Variants in VPS35 observed in about 807,000 individuals in gnomAD.
The protein encoded by VPS35 is vacuolar protein sorting-associated protein 35.
Under a neutral mutation model 98.1 loss-of-function variants are expected in VPS35, and 21 were observed. The observed-to-expected ratio is 0.21, with a 90% confidence interval of 0.15 to 0.31. VPS35 has a LOEUF of 0.31. Among genes scored for constraint, VPS35 ranks in the 10% least tolerant of loss-of-function variants. VPS35 has a pLI of 1.00. For synonymous variants in VPS35, 268 were observed against 318.2 expected (o/e 0.84, Z 1.68); for missense variants, 554 against 950.8 (o/e 0.58, Z 5.49).
Position 46,675,959 on chromosome 16 carries a change from G to A in VPS35, c.914+624C>T, listed in dbSNP as rs190457919. On this transcript the variant is annotated intron_variant, in intron 8 of 16. Coordinates refer to ENST00000299138, the MANE Select transcript of VPS35 (RefSeq NM_018206.6). ...GCATGTCTGTAATCCCAGCTACTCC[G>A]GAGGCTGAGACACTAGAATCACTTG... Among the ~76,000 whole-genome samples the A allele has an allele frequency of 5.5e-3, 824 of 151,112 alleles. 5 individuals are homozygous for A. Among genetic ancestry groups the A allele is most frequent in the Non-Finnish European group, 8.5e-3 (575 of 67,870 alleles).
rs145679337 is a variant in VPS35 at position 46,663,007 on chromosome 16, T to C, written c.1803A>G (p.Thr601=). 1.4e-5 allele frequency: 22 copies of C among 1,614,214 alleles called. No individual in the cohort carries two copies. The highest frequency in any genetic ancestry group is 1.8e-5 in the Non-Finnish European group (21 of 1,180,038). ...CCTGGGACATGAATTCATATGCGAC[T>C]GTCTCATGATTTTCAAAACCAATTT... The part of the protein sequence containing the change: ...AGEIGFENHE[T]VAYEFMSQAF... Residue 601 remains threonine, a synonymous_variant, in exon 14 of 17, where the codon ACA becomes ACG. Transcript: ENST00000299138.
Position 46,677,404 on chromosome 16 carries a change from A to G in VPS35, c.721-6T>C, listed in dbSNP as rs752285732. ...AATATGCCAGTCAAAACAATCTAAAAGAGAAAAAACACACATAAGGGTTAA... is the reference window on the plus strand; with the variant it reads ...AATATGCCAGTCAAAACAATCTAAAGGAGAAAAAACACACATAAGGGTTAA... On this transcript the variant is annotated splice_polypyrimidine_tract_variant and splice_region_variant and intron_variant, in intron 6 of 16. Coordinates refer to ENST00000299138, the MANE Select transcript of VPS35 (RefSeq NM_018206.6). 2 of 1,613,272 alleles carry G rather than the reference A, an allele frequency of 1.2e-6. No individual in the cohort carries two copies. The highest frequency in any genetic ancestry group is 8.5e-7 in the Non-Finnish European group (1 of 1,179,256).
Position 46,679,156 on chromosome 16 carries a change from A to C in VPS35, c.507T>G (p.Asp169Glu). ...CACTGATGTCACCAGTTGTTTCTTC[A>C]CTGCAAAGAAACAGAAAAGTCTTTA... ...NILPDEGEPTDEETTGDISDS... is the reference protein window; with the variant it reads ...NILPDEGEPTEEETTGDISDS... Residue 169 changes from aspartate to glutamate, a missense_variant and splice_region_variant, in exon 6 of 17, where the codon GAT (aspartate) becomes GAG (glutamate). Physicochemically the swap from Asp to Glu is conservative, Grantham distance 45. This residue lies in a region of VPS35 where 77 missense variants were observed against 222.3 expected (regional missense o/e 0.35). Transcript: ENST00000299138. The C allele has an allele frequency of 1.2e-6, 2 of 1,602,204 alleles. No homozygotes were observed. The highest frequency in any genetic ancestry group is 1.7e-6 in the Non-Finnish European group (2 of 1,173,102).
intron 1 of VPS35, chr16:46,688,698 C>G: frequency 9.0e-7 from 1 of 1,117,212 alleles, no homozygotes; most frequent in Admixed American, 4.3e-5. Context: ...CAACTAGGCA[C>G]AAAGGTAGAA....
In VPS35 at chr16:46,674,477, A is replaced by G; in HGVS notation, c.1012-15T>C. 6.2e-7 allele frequency: 1 copy of G among 1,610,410 alleles called. No individual in the cohort carries two copies. The highest frequency in any genetic ancestry group is 2.2e-5 in the East Asian group (1 of 44,824). ...TCTTGTCTAGACTGGAATGTTTAGA[A>G]AACCACACAATTTATTTTAAACAAT... On this transcript the variant is annotated splice_polypyrimidine_tract_variant and intron_variant, in intron 9 of 16. Transcript: ENST00000299138.
chr16:46,682,580 T>C (rs1470356078), intron 2 of VPS35: 1 of 180,418 alleles, frequency 5.5e-6, no homozygotes, highest in Non-Finnish European at 1.2e-5. Context: ...CTGAAATGAC[T>C]ATCCATGTAA....
At chr16:46,677,902 G>A (rs1292071419) in intron 6 of VPS35, among the ~76,000 whole-genome samples, 1 of 152,128 alleles carries the variant, frequency 6.6e-6, no homozygotes, top group Non-Finnish European at 1.5e-5. Flanking sequence ...ACATTATTAG[G>A]TTCTATATTT....
chr16:46,684,177 T>C (rs751824114), intron 1 of VPS35, among the ~76,000 whole-genome samples: 37 of 152,310 alleles, frequency 2.4e-4, no homozygotes, highest in South Asian at 1.2e-3. Flanking sequence ...GCAGTGGTAG[T>C]TCATGGCTGT....
At position 46,669,130 on chromosome 16, in the gene VPS35, A is replaced by G. The variant is rs746259697; in HGVS notation, c.1525-78T>C. 29 of 1,555,896 alleles carry G rather than the reference A, an allele frequency of 1.9e-5. No homozygotes were observed. In the Admixed American group the frequency reaches 4.9e-4, roughly 26 times the overall value. ...TGTGAAATAAATGTGGGCTCTAATCATCATTGCTAACATTTTGTGAATATA... is the reference window on the plus strand; with the variant it reads ...TGTGAAATAAATGTGGGCTCTAATCGTCATTGCTAACATTTTGTGAATATA... On this transcript the variant is annotated intron_variant, in intron 12 of 16. Coordinates refer to ENST00000299138, the MANE Select transcript of VPS35 (RefSeq NM_018206.6).
intron 6 of VPS35, chr16:46,677,631 G>A: frequency 2.1e-6 from 1 of 484,002 alleles, no homozygotes. Context: ...CACCTCCTAG[G>A]CTCAAGTCAT....
rs1965876205 is a variant in VPS35, at chr16:46,659,562, C to G, written c.*910G>C. 6.6e-6 allele frequency: 1 copy of G among 152,092 alleles called. No homozygotes were observed. The highest frequency in any genetic ancestry group is 1.5e-5 in the Non-Finnish European group (1 of 68,018). The allele number at this position is 152,092 out of a possible 1,614,324, so 9.4% of individuals were successfully genotyped here. The stretch of plus-strand genomic sequence containing the variant: ...TGCCTTGTTCAACAAGTGCTTAAAA[C>G]TAGAGTTAAGTGAGCTCTGTGAATA... On this transcript the variant is annotated 3_prime_UTR_variant, in exon 17 of 17. Coordinates refer to ENST00000299138, the MANE Select transcript of VPS35 (RefSeq NM_018206.6).
rs1272021715 is a variant in VPS35, at chr16:46,662,226, G to A, written c.2067+17C>T. 6.2e-7 allele frequency: 1 copy of A among 1,614,092 alleles called. No individual in the cohort carries two copies. Among genetic ancestry groups the A allele is most frequent in the East Asian group, 2.2e-5 (1 of 44,876 alleles). On this transcript the variant is annotated intron_variant, in intron 15 of 16. Transcript: ENST00000299138. ...TATGGATCCTGTCTGCTATCATGCA[G>A]TCAGGAATGACCTTACCTCCTCCCC...
At chr16:46,676,334 CAATT>C (rs1966152492) in intron 8 of VPS35, among the ~76,000 whole-genome samples, 1 of 152,086 alleles carries the variant, frequency 6.6e-6, no homozygotes, top group Non-Finnish European at 1.5e-5. Flanking sequence ...CTTTAAATGT[CAATT>C]AAGCACACAG....
rs1426159165 is a variant in VPS35, at chr16:46,672,481, A to G, written c.1161-9T>C. The G allele has an allele frequency of 1.2e-6, 2 of 1,608,220 alleles. No individual in the cohort carries two copies. The highest frequency in any genetic ancestry group is 1.3e-5 in the African/African-American group (1 of 74,910). ...CACTACTGGTAGCAATACTACAAAA[A>G]GAAAAACAGAAGTCTTAATGAATAA... On this transcript the variant is annotated splice_polypyrimidine_tract_variant and intron_variant, in intron 10 of 16. Coordinates refer to ENST00000299138, the MANE Select transcript of VPS35 (RefSeq NM_018206.6).
chr16:46,676,865 T>C (rs1175880900), intron 7 of VPS35, among the ~76,000 whole-genome samples, 173 bp from the exon 8 acceptor site: 76 of 152,126 alleles, frequency 5.0e-4, no homozygotes, highest in Non-Finnish European at 1.5e-5. Context: ...AATATTCCAA[T>C]AAACAAAGTG....
intron 8 of VPS35, among the ~76,000 whole-genome samples, chr16:46,675,423 TTATC>T (rs1966133947): frequency 6.6e-6 from 1 of 152,224 alleles, no homozygotes; most frequent in African/African-American, 2.4e-5. Flanking sequence ...TTCATTATCA[TTATC>T]TGTTTGTCAG....
intron 11 of VPS35, 152 bp downstream of exon 11, chr16:46,672,113 T>C (rs932415832): frequency 1.3e-5 from 10 of 758,180 alleles, no homozygotes; most frequent in South Asian, 1.1e-4. Context: ...TAATTCTTTA[T>C]ACATCTCCAA....
In VPS35 at chr16:46,663,113, T is replaced by C. The variant is rs1224729285; in HGVS notation, c.1697A>G (p.Gln566Arg). 1 of 1,614,086 alleles carries C rather than the reference T, an allele frequency of 6.2e-7. No homozygotes were observed. Among genetic ancestry groups the C allele is most frequent in the Non-Finnish European group, 8.5e-7 (1 of 1,180,030 alleles). ...KCQKIFSFAHQTISALIKAEL... is the reference protein window; with the variant it reads ...KCQKIFSFAHRTISALIKAEL... ...TGCTTTGATCAAAGCACTGATAGTC[T>C]GGTGGGCAAATGAAAAAATCTTCTG... is the stretch of plus-strand genomic sequence containing the variant. Residue 566 changes from glutamine to arginine, a missense_variant, in exon 14 of 17, where the codon CAG becomes CGG. Physicochemically the swap from Gln to Arg is conservative, Grantham distance 43. Around this residue, in one of 5 missense-constraint regions of VPS35, gnomAD observed 254 missense variants for 390.1 expected, o/e 0.65. Coordinates refer to ENST00000299138, the MANE Select transcript of VPS35 (RefSeq NM_018206.6).
At chr16:46,675,538 T>A (rs1286746958) in intron 8 of VPS35, among the ~76,000 whole-genome samples, 3 of 152,214 alleles carry the variant, frequency 2.0e-5, no homozygotes, top group Non-Finnish European at 4.4e-5. Context: ...GTTACTAGCT[T>A]CCTTTAAGAG....
Sources: gnomAD v4.1 joint callset for allele counts (sites outside exome capture counted in the v4.1 genomes callset) on GRCh38, gnomAD v4.1.1 for gene constraint, gnomAD v4.1.1 regional missense constraint, MANE v1.5 for transcripts, NCBI Gene and HGNC (gene_info 2026-07-23, HGNC 2026-07-21) for gene names.